CRACD: variants seen among roughly 807,000 people sequenced by gnomAD.
CRACD encodes the protein capping protein inhibiting regulator of actin dynamics.
CRACD carries 56 observed loss-of-function variants against 106.8 expected under a neutral mutation model. The observed-to-expected ratio is 0.52, with a 90% CI of 0.42 to 0.66. The LOEUF is 0.66. CRACD is among the 30% of genes least tolerant of loss of function. The probability of loss-of-function intolerance (pLI) is 0.00; values close to 1 mark genes in which losing one functional copy is unlikely to be tolerated. For missense variants in CRACD, 1,730 were observed against 1,623.2 expected (o/e 1.07, Z -1.13); for synonymous variants, 754 against 670.8 (o/e 1.12, Z -1.92).
chr4:56,110,945 C>T (rs939428747), intron 1 of CRACD, among the ~76,000 whole-genome samples: 5 of 152,056 alleles, frequency 3.3e-5, no homozygotes, highest in Admixed American at 6.6e-5. Flanking sequence ...TGAAGATAAT[C>T]GGTGTTGCAT....
intron 2 of CRACD, among the ~76,000 whole-genome samples, chr4:56,186,089 A>G (rs558128329): frequency 4.3e-4 from 66 of 152,200 alleles, no homozygotes; most frequent in Non-Finnish European, 7.5e-4. Flanking sequence ...TCCTCTCTCC[A>G]TCTGCCAGAC....
chr4:56,075,000 G>A (rs1217297985), intron 1 of CRACD, among the ~76,000 whole-genome samples: 3 of 152,180 alleles, frequency 2.0e-5, no homozygotes, highest in African/African-American at 7.2e-5. Flanking sequence ...ATTGATTTGT[G>A]TATGTTAAAC....
chr4:56,255,130 A>C (rs796536537), intron 2 of CRACD, among the ~76,000 whole-genome samples: 3,987 of 149,352 alleles, frequency 0.027, 195 homozygotes, highest in African/African-American at 0.092. Context: ...AAAAAAAAAA[A>C]AAAACTAAAA....
intron 2 of CRACD, among the ~76,000 whole-genome samples, chr4:56,267,300 T>G (rs1019831113): frequency 6.6e-5 from 10 of 152,048 alleles, no homozygotes; most frequent in African/African-American, 2.4e-4. Context: ...TTTTTTGTAT[T>G]TTTAGTAGAG....
In CRACD at chr4:56,315,132, G is replaced by A. The variant is rs1363465889; in HGVS notation, c.1630G>A (p.Gly544Arg). The A allele has an allele frequency of 1.2e-6, 2 of 1,609,724 alleles. No individual in the cohort carries two copies. The highest frequency in any genetic ancestry group is 1.1e-5 in the South Asian group (1 of 89,878). Residue 544 changes from glycine (G) to arginine (R), a missense_variant, in exon 8 of 11, where the codon GGA (glycine) becomes AGA (arginine). This residue lies in a region of CRACD where 1,620 missense variants were observed against 1,481.6 expected (regional missense o/e 1.09). Coordinates refer to ENST00000682029, the MANE Select transcript of CRACD (RefSeq NM_001393381.1). This position sits in a 1 kb window ranked among gnomAD's most constrained non-coding sequence, Gnocchi z 4.1. ...PRPYTFQVSS[G>R]GKQILFPKVN... ...GCCCTACACGTTCCAGGTGTCCTCC[G>A]GAGGGAAGCAGATTCTCTTTCCCAA...
At chr4:56,294,544 TCA>T (rs1248847005) in intron 3 of CRACD, among the ~76,000 whole-genome samples, 4 of 152,070 alleles carry the variant, frequency 2.6e-5, no homozygotes, top group African/African-American at 9.7e-5. Context: ...TGTAAAAACA[TCA>T]GTTTAAAAAG....
At chr4:56,234,032 C>A (rs1320844892) in intron 2 of CRACD, among the ~76,000 whole-genome samples, 1 of 151,558 alleles carries the variant, frequency 6.6e-6, no homozygotes, top group Non-Finnish European at 1.5e-5. Context: ...ATTGATGTAT[C>A]CTGCAATCTT....
At chr4:56,145,197 C>G (rs1735339992) in intron 1 of CRACD, among the ~76,000 whole-genome samples, 1 of 152,282 alleles carries the variant, frequency 6.6e-6, no homozygotes, top group Admixed American at 6.5e-5. Context: ...TCCAAGTGCT[C>G]CATATTCATA....
intron 2 of CRACD, among the ~76,000 whole-genome samples, chr4:56,196,006 G>A (rs1737590569): frequency 6.6e-6 from 1 of 152,182 alleles, no homozygotes; most frequent in Non-Finnish European, 1.5e-5. Context: ...AAAAAGGAAA[G>A]CGTCCCTGAA....
At chr4:56,280,820 T>C (rs1742998676) in intron 3 of CRACD, among the ~76,000 whole-genome samples, 1 of 152,248 alleles carries the variant, frequency 6.6e-6, no homozygotes, top group South Asian at 2.1e-4. Flanking sequence ...GAAGTTATAC[T>C]GAAGTGCAGG....
intron 1 of CRACD, among the ~76,000 whole-genome samples, chr4:56,172,214 A>G (rs1040835294): frequency 2.6e-5 from 4 of 151,990 alleles, no homozygotes; most frequent in Non-Finnish European, 5.9e-5. Context: ...GCCAATTGCT[A>G]TTGAGAATGG....
At chr4:56,251,481 C>T (rs1468935258) in intron 2 of CRACD, among the ~76,000 whole-genome samples, 2 of 152,136 alleles carry the variant, frequency 1.3e-5, no homozygotes, top group Non-Finnish European at 2.9e-5. Flanking sequence ...GAAAGTGAAG[C>T]ATATATGAAA....
chr4:56,064,930 T>G (rs191570439), intron 1 of CRACD, among the ~76,000 whole-genome samples: 1 of 152,164 alleles, frequency 6.6e-6, no homozygotes, highest in African/African-American at 2.4e-5. Context: ...CAGTGATTCT[T>G]CCCCCTCGAA....
At chr4:56,270,820 G>A (rs577238140) in intron 2 of CRACD, among the ~76,000 whole-genome samples, 17 of 152,120 alleles carry the variant, frequency 1.1e-4, no homozygotes, top group African/African-American at 3.9e-4. Flanking sequence ...AGTGGTTCAC[G>A]CCTGTAATCA....
At chr4:56,322,441 G>A (rs1291102969) in intron 8 of CRACD, among the ~76,000 whole-genome samples, 1 of 152,182 alleles carries the variant, frequency 6.6e-6, no homozygotes, top group Non-Finnish European at 1.5e-5. Flanking sequence ...TTACATAGGT[G>A]AGACAGTCAA....
chr4:56,258,839 A>G (rs1022524265), intron 2 of CRACD, among the ~76,000 whole-genome samples: 2 of 152,216 alleles, frequency 1.3e-5, no homozygotes, highest in African/African-American at 4.8e-5. Flanking sequence ...GGGAAGAGGT[A>G]TGTGGATAGA....
chr4:56,238,819 T>C (rs909996415), intron 2 of CRACD, among the ~76,000 whole-genome samples: 1 of 152,218 alleles, frequency 6.6e-6, no homozygotes, highest in Non-Finnish European at 1.5e-5. Flanking sequence ...GTTGAAAATA[T>C]CTGTACCTGT....
intron 2 of CRACD, among the ~76,000 whole-genome samples, chr4:56,187,352 C>T (rs1383819339): frequency 6.6e-6 from 1 of 152,076 alleles, no homozygotes; most frequent in Non-Finnish European, 1.5e-5. Flanking sequence ...AGGTGCTTGC[C>T]AGACACTCGA....
rs530186177 is a variant in CRACD at position 56,087,250 on chromosome 4, C to T, written c.-336+37951C>T. Among the ~76,000 whole-genome samples, 128 of 152,184 alleles carry T rather than the reference C, an allele frequency of 8.4e-4. 2 individuals are homozygous for T. The highest frequency in any genetic ancestry group is 2.6e-3 in the African/African-American group (107 of 41,536). On this transcript the variant is annotated intron_variant, in intron 1 of 10. Coordinates refer to ENST00000682029, the MANE Select transcript of CRACD (RefSeq NM_001393381.1). ...CTGATCTTGGACTCCTGACCTCAGA[C>T]GATCCGCCCACCTGGGCCTCCCAAA... is the stretch of plus-strand genomic sequence containing the variant.
Sources: gnomAD v4.1 joint callset for allele counts (sites outside exome capture counted in the v4.1 genomes callset) on GRCh38, gnomAD v4.1.1 for gene constraint, gnomAD v4.1.1 regional missense constraint, Gnocchi (gnomAD v3.1) non-coding constraint, MANE v1.5 for transcripts, NCBI Gene and HGNC (gene_info 2026-07-23, HGNC 2026-07-21) for gene names.